WNT2B: variants seen among roughly 807,000 people sequenced by gnomAD.
WNT2B encodes the protein Wnt family member 2B.
In WNT2B, 19 loss-of-function variants were observed where a neutral mutation model predicts 40.5. The observed-to-expected ratio is 0.47, with a 90% CI of 0.33 to 0.69. The LOEUF (loss-of-function observed/expected upper bound fraction) is 0.69. Ranked by LOEUF, WNT2B falls within the 30% of genes least tolerant of loss-of-function variation. WNT2B has a pLI of 0.02. For missense variants in WNT2B, 467 were observed against 556.4 expected (o/e 0.84, Z 1.62); for synonymous variants, 220 against 211.9 (o/e 1.04, Z -0.33).
At position 112,514,293 on chromosome 1, in the gene WNT2B, G is replaced by A. The variant is rs576978361; in HGVS notation, c.183-581G>A. On this transcript the variant is annotated intron_variant, in intron 1 of 4. Transcript: ENST00000369684. ...AGTAGAGGGTGGGGTCTTCCTCCCC[G>A]GACCTCACGATTGGGAATGAGGATT... Among the ~76,000 whole-genome samples, 12 of 152,300 alleles carry A rather than the reference G, an allele frequency of 7.9e-5. No homozygotes were observed. In the South Asian group the frequency reaches 1.2e-3, roughly 16 times the overall value.
upstream of WNT2B, among the ~76,000 whole-genome samples, chr1:112,505,213 G>T (rs1251381849): frequency 2.0e-5 from 3 of 152,232 alleles, no homozygotes; most frequent in Non-Finnish European, 1.5e-5. Flanking sequence ...AGGTAATCTG[G>T]CAGCTTTCAG....
chr1:112,495,553 C>T (rs956436382), intron 1 of WNT2B, among the ~76,000 whole-genome samples: 2 of 151,264 alleles, frequency 1.3e-5, no homozygotes, highest in Admixed American at 6.6e-5. Flanking sequence ...CGCGCCACTG[C>T]GCTCCAGCCT....
At chr1:112,517,983 T>A (rs1245386264) in intron 4 of WNT2B, 1 of 152,622 alleles carries the variant, frequency 6.6e-6, no homozygotes, top group African/African-American at 2.4e-5. Context: ...CAGACCAATC[T>A]GCTGGGTAAA....
chr1:112,497,240 T>C (rs974177263), intron 1 of WNT2B, among the ~76,000 whole-genome samples: 8 of 152,326 alleles, frequency 5.3e-5, no homozygotes, highest in African/African-American at 1.7e-4. Context: ...CACTAGGTAT[T>C]GCCTTCGTGT....
At chr1:112,518,727 G>C (rs1406029669) in intron 4 of WNT2B, among the ~76,000 whole-genome samples, 1 of 152,126 alleles carries the variant, frequency 6.6e-6, no homozygotes, top group African/African-American at 2.4e-5. Flanking sequence ...AGTCAAATGT[G>C]TGTTCGTTTT....
chr1:112,499,366 G>A (rs1015938443), intron 1 of WNT2B, among the ~76,000 whole-genome samples: 1 of 152,076 alleles, frequency 6.6e-6, no homozygotes, highest in Admixed American at 6.5e-5. Flanking sequence ...TGAAAACTCA[G>A]ACTAATATCT....
chr1:112,470,174 G>T (rs890704514), intron 1 of WNT2B, among the ~76,000 whole-genome samples: 3 of 152,178 alleles, frequency 2.0e-5, no homozygotes, highest in African/African-American at 7.2e-5. Context: ...TGGTGTTGAT[G>T]AAATTCCTCA....
At chr1:112,507,563 A>G, upstream of WNT2B, among the ~76,000 whole-genome samples, 1 of 152,088 alleles carries the variant, frequency 6.6e-6, no homozygotes, top group East Asian at 1.9e-4. Flanking sequence ...GAGAGAGGTT[A>G]AAGGTTCCTC....
At chr1:112,513,157 A>G (rs999127837) in intron 1 of WNT2B, among the ~76,000 whole-genome samples, 1 of 152,072 alleles carries the variant, frequency 6.6e-6, no homozygotes, top group African/African-American at 2.4e-5. Flanking sequence ...TGCCTAGAGC[A>G]GTACTTGGGC....
At chr1:112,479,161 C>T (rs1018366090) in intron 1 of WNT2B, among the ~76,000 whole-genome samples, 9 of 151,826 alleles carry the variant, frequency 5.9e-5, no homozygotes, top group African/African-American at 1.9e-4. Flanking sequence ...GTAGAGGTTG[C>T]AGTGAGCTGA....
Position 112,529,498 on chromosome 1 carries a change from CTGGT to C in WNT2B, c.*8992_*8995del, listed in dbSNP as rs1239191481. 6.6e-6 allele frequency: 1 copy of C among 152,082 alleles called. No individual in the cohort carries two copies. Among genetic ancestry groups the C allele is most frequent in the Admixed American group, 6.6e-5 (1 of 15,260 alleles). 9.4% of individuals were successfully genotyped at this position (152,082 alleles called of 1,614,324 possible). A position where few individuals can be genotyped will look rare whatever the true frequency, so the allele number is the denominator to read the frequency against. Reference sequence around the variant, plus strand: ...ATCTGACATAAGCTGATTGCTCATGCTGGTTGTTTTATTTACATTTCTGAATGGA... The same window carrying C: ...ATCTGACATAAGCTGATTGCTCATGCTGTTTTATTTACATTTCTGAATGGA... On this transcript the variant is annotated 3_prime_UTR_variant, in exon 5 of 5. Coordinates refer to ENST00000369684, the MANE Select transcript of WNT2B (RefSeq NM_024494.3).
intron 1 of WNT2B, among the ~76,000 whole-genome samples, chr1:112,482,086 C>G (rs1371311048): frequency 1.3e-5 from 2 of 149,036 alleles, no homozygotes; most frequent in Middle Eastern, 3.6e-3. Flanking sequence ...GCAGAGGTTG[C>G]AGTGAGTTGA....
chr1:112,467,697 A>G, intron 1 of WNT2B: 1 of 671,698 alleles, frequency 1.5e-6, no homozygotes, highest in Non-Finnish European at 2.7e-6. Context: ...ATGATCATAT[A>G]CGTAGTATGT....
chr1:112,477,980 C>T (rs546852019), intron 1 of WNT2B, among the ~76,000 whole-genome samples: 25 of 152,268 alleles, frequency 1.6e-4, no homozygotes, highest in African/African-American at 6.0e-4. Context: ...ATGCCTGTAA[C>T]CCTAGCACAT....
chr1:112,520,770 G>C lies in WNT2B; in HGVS notation c.*261G>C. 1 of 520,706 alleles carries C rather than the reference G, an allele frequency of 1.9e-6. No individual in the cohort carries two copies. Among genetic ancestry groups the C allele is most frequent in the Non-Finnish European group, 3.4e-6 (1 of 293,230 alleles). The allele number at this position is 520,706 out of a possible 1,614,324, so 32.3% of individuals were successfully genotyped here. ...TGAAGGGAGAGTAGAAGAGATAGGG[G>C]GTCTTTAGAGTGAAATGAGTTGCAC... On this transcript the variant is annotated 3_prime_UTR_variant, in exon 5 of 5. Coordinates refer to ENST00000369684, the MANE Select transcript of WNT2B (RefSeq NM_024494.3).
intron 4 of WNT2B, among the ~76,000 whole-genome samples, chr1:112,519,051 T>G (rs1054451867): frequency 7.9e-5 from 12 of 152,260 alleles, no homozygotes; most frequent in African/African-American, 2.9e-4. Flanking sequence ...ACAGCACAGC[T>G]CCACAGTGTA....
Position 112,509,321 on chromosome 1 carries a change from C to A in WNT2B, c.59C>A (p.Ala20Asp). ...CAGCTCCCGCTTCGGCGCGCCAGCG[C>A]CCCGGTCCCTGTGCCGTCGCCCGCG... ...AAQLPLRRASAPVPVPSPAAP... is the reference protein window; with the variant it reads ...AAQLPLRRASDPVPVPSPAAP... The change falls in exon 1 of 5, where the codon GCC (alanine) becomes GAC (aspartate). Residue 20 changes from alanine (A) to aspartate (D), a missense_variant. This residue lies in a region of WNT2B where 137 missense variants were observed against 117.7 expected (regional missense o/e 1.16). Coordinates refer to ENST00000369684, the MANE Select transcript of WNT2B (RefSeq NM_024494.3). The surrounding 1 kb of genome is among the most constrained non-coding windows in gnomAD (Gnocchi z 4.2). 1.9e-6 allele frequency: 3 copies of A among 1,579,430 alleles called. No homozygotes were observed. Among genetic ancestry groups the A allele is most frequent in the Non-Finnish European group, 2.6e-6 (3 of 1,169,168 alleles).
At chr1:112,505,075 G>T (rs1183254686), upstream of WNT2B, among the ~76,000 whole-genome samples, 1 of 152,224 alleles carries the variant, frequency 6.6e-6, no homozygotes, top group Admixed American at 6.5e-5. Flanking sequence ...GACATCAAGG[G>T]TGACAGTGGA....
chr1:112,504,310 C>T (rs1652046651), upstream of WNT2B, among the ~76,000 whole-genome samples: 1 of 152,140 alleles, frequency 6.6e-6, no homozygotes, highest in African/African-American at 2.4e-5. Context: ...TTCTCCTTTA[C>T]ATCCCTCTCT....
Sources: gnomAD v4.1 joint callset for allele counts (sites outside exome capture counted in the v4.1 genomes callset) on GRCh38, gnomAD v4.1.1 for gene constraint, gnomAD v4.1.1 regional missense constraint, Gnocchi (gnomAD v3.1) non-coding constraint, MANE v1.5 for transcripts, NCBI Gene and HGNC (gene_info 2026-07-23, HGNC 2026-07-21) for gene names.